The following WWOX variants were observed in gnomAD, a reference collection of about 807,000 sequenced individuals.
The protein encoded by WWOX is WW domain-containing oxidoreductase.
WWOX carries 69 observed loss-of-function variants against 46.2 expected under a neutral mutation model. The ratio of observed to expected loss-of-function variants is 1.49; its 90% CI spans 1.23 to 1.82. The LOEUF is 1.82. Ranked by LOEUF, WWOX falls within the 40% of genes most tolerant of loss-of-function variation. The pLI, the probability that WWOX is intolerant of heterozygous loss-of-function variation, is 0.00. For synonymous variants in WWOX, 359 were observed against 202.6 expected, an observed-to-expected ratio of 1.77 and a Z score of -6.56; for missense variants, 919 against 542.6, an observed-to-expected ratio of 1.69 and a Z score of -6.89.
intron 8 of WWOX, among the ~76,000 whole-genome samples, chr16:78,633,959 C>A (rs1327544308): frequency 1.3e-5 from 2 of 150,202 alleles, no homozygotes; most frequent in African/African-American, 4.9e-5. Context: ...CGACCAAAGG[C>A]TGAGTGTCCT....
chr16:78,750,885 A>C (rs2049460798), intron 8 of WWOX, among the ~76,000 whole-genome samples: 1 of 152,074 alleles, frequency 6.6e-6, no homozygotes, highest in South Asian at 2.1e-4. Context: ...TTCTTTAACT[A>C]ATCCACCATT....
At chr16:78,132,409 G>A (rs1294492220) in intron 4 of WWOX, among the ~76,000 whole-genome samples, 1 of 152,214 alleles carries the variant, frequency 6.6e-6, no homozygotes, top group Admixed American at 6.5e-5. Flanking sequence ...GGTATGGAGT[G>A]AGTGCAGAGT....
intron 8 of WWOX, among the ~76,000 whole-genome samples, chr16:79,021,300 A>T (rs1184183057): frequency 6.6e-6 from 1 of 152,154 alleles, no homozygotes; most frequent in Non-Finnish European, 1.5e-5. Flanking sequence ...CGCAGGATGC[A>T]AGATTAGCGA....
intron 5 of WWOX, among the ~76,000 whole-genome samples, chr16:78,171,828 G>A (rs1041638120): frequency 6.6e-6 from 1 of 152,140 alleles, no homozygotes; most frequent in Non-Finnish European, 1.5e-5. Context: ...GTCAATAAGC[G>A]CATGCTCACA....
At chr16:78,895,151 A>G (rs1222335750) in intron 8 of WWOX, among the ~76,000 whole-genome samples, 1 of 152,198 alleles carries the variant, frequency 6.6e-6, no homozygotes, top group Non-Finnish European at 1.5e-5. Context: ...CGCTTTTTCA[A>G]ACCACATTTC....
intron 5 of WWOX, among the ~76,000 whole-genome samples, chr16:78,322,202 G>A (rs1027704381): frequency 2.0e-5 from 3 of 152,070 alleles, no homozygotes; most frequent in African/African-American, 7.2e-5. Context: ...GAGCAAATGA[G>A]CCAAAATCCA....
At chr16:78,779,530 G>T (rs995654836) in intron 8 of WWOX, among the ~76,000 whole-genome samples, 1 of 152,140 alleles carries the variant, frequency 6.6e-6, no homozygotes, top group African/African-American at 2.4e-5. Context: ...TGCTCACTCT[G>T]TCCAAGGCAT....
At chr16:78,150,548 T>C (rs972227673) in intron 4 of WWOX, among the ~76,000 whole-genome samples, 4 of 152,134 alleles carry the variant, frequency 2.6e-5, no homozygotes, top group Non-Finnish European at 5.9e-5. Context: ...CTGGCTAAGT[T>C]TTTTTGTTTT....
intron 5 of WWOX, among the ~76,000 whole-genome samples, chr16:78,332,296 C>T (rs2080777177): frequency 6.6e-6 from 1 of 152,308 alleles, no homozygotes; most frequent in South Asian, 2.1e-4. Context: ...TTTCTAAAAT[C>T]CTTCCCAGAG....
At chr16:78,795,975 G>A (rs2050725520) in intron 8 of WWOX, among the ~76,000 whole-genome samples, 1 of 152,108 alleles carries the variant, frequency 6.6e-6, no homozygotes, top group Admixed American at 6.6e-5. Flanking sequence ...CTAAGATAAG[G>A]CAAAGAACAT....
chr16:78,321,025 T>C (rs1183142504), intron 5 of WWOX, among the ~76,000 whole-genome samples: 1 of 152,128 alleles, frequency 6.6e-6, no homozygotes, highest in East Asian at 1.9e-4. Flanking sequence ...CCTTAACCAA[T>C]AGCCTCACAG....
At chr16:78,591,235 T>C (rs2045343694) in intron 8 of WWOX, among the ~76,000 whole-genome samples, 2 of 152,202 alleles carry the variant, frequency 1.3e-5, no homozygotes, top group South Asian at 2.1e-4. Context: ...CTTCTCTTCC[T>C]ATATGTACCT....
intron 5 of WWOX, among the ~76,000 whole-genome samples, chr16:78,312,065 T>G (rs995255305): frequency 3.3e-5 from 5 of 152,180 alleles, no homozygotes; most frequent in Non-Finnish European, 7.3e-5. Flanking sequence ...GGCTGACTCC[T>G]TCAATGGCCA....
intron 8 of WWOX, chr16:78,873,358 T>G (rs1597090393): frequency 1.3e-5 from 2 of 152,222 alleles, no homozygotes; most frequent in Non-Finnish European, 2.9e-5. Flanking sequence ...ACCCTTCAAG[T>G]TGACTATCTC....
chr16:79,039,798 C>A lies in WWOX; in HGVS notation c.1057-171810C>A, dbSNP rs201736495. ...ACCTCGAAATCTCCCTTCTCTGAAC[C>A]TTTTTGCGTGCTCTTCTGTCTGTCT... On this transcript the variant is annotated intron_variant, in intron 8 of 8. Transcript: ENST00000566780. Among the ~76,000 whole-genome samples, 5 of 152,266 alleles carry A rather than the reference C, an allele frequency of 3.3e-5. No homozygotes were observed. In the East Asian group the frequency reaches 9.7e-4, roughly 29 times the overall value.
intron 8 of WWOX, among the ~76,000 whole-genome samples, chr16:78,511,274 C>A (rs1597190139): frequency 6.6e-6 from 1 of 152,222 alleles, no homozygotes; most frequent in East Asian, 1.9e-4. Flanking sequence ...CATGTCTTTT[C>A]CCTTCCGTCA....
intron 8 of WWOX, among the ~76,000 whole-genome samples, chr16:78,631,326 C>A (rs915514353): frequency 4.6e-5 from 7 of 152,132 alleles, no homozygotes; most frequent in African/African-American, 1.7e-4. Context: ...TATTTCTGCT[C>A]ATGGTTGCTG....
chr16:78,603,040 T>C (rs2045660820), intron 8 of WWOX, among the ~76,000 whole-genome samples: 1 of 152,224 alleles, frequency 6.6e-6, no homozygotes, highest in African/African-American at 2.4e-5. Context: ...TTTCAGAAAT[T>C]GTGAACGGGG....
At chr16:78,456,536 A>T (rs2083819798) in intron 8 of WWOX, among the ~76,000 whole-genome samples, 1 of 152,216 alleles carries the variant, frequency 6.6e-6, no homozygotes, top group Non-Finnish European at 1.5e-5. Context: ...GGGATACCTG[A>T]TAGAGCTAAT....
Sources: allele counts gnomAD v4.1 joint callset (sites outside exome capture counted in the v4.1 genomes callset), GRCh38; gene constraint gnomAD v4.1.1; transcripts MANE v1.5; gene names NCBI Gene and HGNC (gene_info 2026-07-23, HGNC 2026-07-21).